MRPL21: variants seen among roughly 807,000 people sequenced by gnomAD.
MRPL21 encodes the protein mitochondrial ribosomal protein L21, also known as large ribosomal subunit protein bL21m.
A neutral mutation model predicts 27.3 loss-of-function variants in MRPL21; 20 were observed. The ratio of observed to expected loss-of-function variants is 0.73; its 90% CI spans 0.52 to 1.06. The LOEUF is 1.06. MRPL21 is among the 50% of genes least tolerant of loss of function. The probability of loss-of-function intolerance (pLI) is 0.00; values close to 1 mark genes in which losing one functional copy is unlikely to be tolerated. For synonymous variants in MRPL21, 98 were observed against 101.5 expected (o/e 0.97, Z 0.21); for missense variants, 249 against 251.4 (o/e 0.99, Z 0.06).
chr11:68,891,570 A>C, intron 6 of MRPL21, 175 bp from the exon 7 acceptor site: 1 of 666,714 alleles, frequency 1.5e-6, no homozygotes, highest in Non-Finnish European at 2.7e-6. Context: ...TTGTTCGTTC[A>C]CTCTGTTGGC....
chr11:68,893,097 A>G (rs1025670286), intron 5 of MRPL21, 104 bp from the exon 6 acceptor site: 13 of 1,381,404 alleles, frequency 9.4e-6, no homozygotes, highest in African/African-American at 2.9e-5. Flanking sequence ...TTTGTTGATT[A>G]TAAAAGTAAT....
chr11:68,901,900 C>T (rs976603337), intron 1 of MRPL21, among the ~76,000 whole-genome samples: 1 of 152,224 alleles, frequency 6.6e-6, no homozygotes, highest in Non-Finnish European at 1.5e-5. Context: ...GCAACTTCAT[C>T]CTCCCAGTTG....
chr11:68,899,281 C>T (rs1857877438), intron 2 of MRPL21, among the ~76,000 whole-genome samples: 1 of 152,198 alleles, frequency 6.6e-6, no homozygotes, highest in Admixed American at 6.5e-5. Context: ...GCTTTTATTG[C>T]TGCTGCCACT....
intron 6 of MRPL21, 61 bp downstream of exon 6, chr11:68,892,829 C>G: frequency 5.1e-6 from 8 of 1,579,550 alleles, no homozygotes; most frequent in Non-Finnish European, 6.9e-6. Flanking sequence ...ACCCTCCGTC[C>G]GCATGCGCCT....
intron 1 of MRPL21, among the ~76,000 whole-genome samples, chr11:68,901,443 CAG>C (rs1315714026): frequency 2.0e-5 from 3 of 152,326 alleles, no homozygotes; most frequent in Admixed American, 6.5e-5. Flanking sequence ...ACTGAGAAGA[CAG>C]GGGATCAAAA....
intron 6 of MRPL21, chr11:68,891,831 G>T: frequency 2.1e-6 from 1 of 472,144 alleles, no homozygotes; most frequent in Non-Finnish European, 3.7e-6. Context: ...TGGTGGTTTA[G>T]GCCGGCAACT....
Position 68,891,344 on chromosome 11 carries a change from G to A in MRPL21, c.605C>T (p.Pro202Leu), listed in dbSNP as rs758764572. 7 of 1,613,882 alleles carry A rather than the reference G, an allele frequency of 4.3e-6. No individual in the cohort carries two copies. The highest frequency in any genetic ancestry group is 2.2e-5 in the East Asian group (1 of 44,906). The change falls in exon 7 of 7, where the codon CCG (proline) becomes CTG (leucine). Residue 202 changes from proline (P) to leucine (L), a missense_variant. Pro to Leu is a moderately conservative substitution (Grantham distance 98). Transcript: ENST00000362034. ...TTAACTCGGTAATCACAACAAACAC[G>A]GAGCAATCTCAATGCTGTTTATCCG... ...VLRINSIEIAPCLL is the reference protein window; with the variant it reads ...VLRINSIEIALCLL
Position 68,896,512 on chromosome 11 carries a change from C to T in MRPL21, c.396+3G>A. 2 of 1,614,040 alleles carry T rather than the reference C, an allele frequency of 1.2e-6. No individual in the cohort carries two copies. The highest frequency in any genetic ancestry group is 1.7e-6 in the Non-Finnish European group (2 of 1,179,876). On this transcript the variant is annotated splice_donor_region_variant and intron_variant, in intron 4 of 6. Transcript: ENST00000362034. ...AATATCCAGAGAAGCTCGGTGGTCT[C>T]ACCTTCTCCAGTCGAATTCTCTCTC...
At chr11:68,900,065 T>G (rs1857897034) in intron 2 of MRPL21, among the ~76,000 whole-genome samples, 1 of 152,202 alleles carries the variant, frequency 6.6e-6, no homozygotes. Flanking sequence ...TTGTCGAATG[T>G]TTTCTGCAGT....
In MRPL21 at chr11:68,894,573, C is replaced by T. The variant is rs118160219; in HGVS notation, c.397-1118G>A. 2.3e-4 allele frequency among the ~76,000 whole-genome samples: 35 copies of T among 152,298 alleles called. No individual in the cohort carries two copies. The East Asian group carries it at 6.2e-3, about 27-fold the overall frequency. ...CTGGGATAACAGGCGTGAGCCACCA[C>T]GCACGGCCTACAGTGTTTTTATTAG... On this transcript the variant is annotated intron_variant, in intron 4 of 6. Coordinates refer to ENST00000362034, the MANE Select transcript of MRPL21 (RefSeq NM_181514.2).
rs971757497 is a variant in MRPL21 at position 68,903,637 on chromosome 11, G to A, written c.88+86C>T. ...AATGCGATCAACACACAAGGCACCA[G>A]GTCGGACCCAGGCACATACGTGGCG... On this transcript the variant is annotated intron_variant, in intron 1 of 6. Transcript: ENST00000362034. 4 of 1,400,370 alleles carry A rather than the reference G, an allele frequency of 2.9e-6. No individual in the cohort carries two copies. The African/African-American group carries it at 5.7e-5, about 20-fold the overall frequency. 86.7% of individuals were successfully genotyped at this position (1,400,370 alleles called of 1,614,324 possible).
At chr11:68,895,029 C>CA (rs1161578194) in intron 4 of MRPL21, among the ~76,000 whole-genome samples, 1 of 152,184 alleles carries the variant, frequency 6.6e-6, no homozygotes. Context: ...CTGTGGGAGG[C>CA]CGAGGCGGGC....
At chr11:68,898,819 G>C (rs900192501) in intron 2 of MRPL21, among the ~76,000 whole-genome samples, 1 of 151,900 alleles carries the variant, frequency 6.6e-6, no homozygotes, top group Admixed American at 6.6e-5. Context: ...ACGGAGTCTC[G>C]CTCTGTCACC....
intron 4 of MRPL21, 32 bp from the exon 5 acceptor site, chr11:68,893,487 G>T (rs952887535): frequency 6.2e-7 from 1 of 1,613,980 alleles, no homozygotes; most frequent in East Asian, 2.2e-5. Context: ...TTTCATCAGT[G>T]GCTCATTACG....
intron 3 of MRPL21, 162 bp from the exon 4 acceptor site, chr11:68,896,840 T>TGCAGGCACAAGG (rs928522467): frequency 2.4e-6 from 2 of 821,288 alleles, no homozygotes; most frequent in Non-Finnish European, 3.8e-6. Flanking sequence ...CTCCACCCCC[T>TGCAGGCACAAGG]GCAGGCACAA....
intron 2 of MRPL21, among the ~76,000 whole-genome samples, chr11:68,898,598 A>C (rs572980854): frequency 1.3e-5 from 2 of 152,322 alleles, no homozygotes; most frequent in African/African-American, 4.8e-5. Flanking sequence ...TGGTGTCTAC[A>C]ACTGAGCAAA....
In MRPL21 at chr11:68,896,525, C is replaced by A. The variant is rs143584803; in HGVS notation, c.386G>T (p.Arg129Leu). Residue 129 changes from arginine (R) to leucine (L), a missense_variant, in exon 4 of 7, where the codon CGA becomes CTA. Arg to Leu is a moderately radical substitution (Grantham distance 102). Coordinates refer to ENST00000362034, the MANE Select transcript of MRPL21 (RefSeq NM_181514.2). ...GCTCGGTGGTCTCACCTTCTCCAGT[C>A]GAATTCTCTCTCCACACGCAAGGTC... ...ELDLACGERI[R>L]LEKVLLVGAD... 1 of 1,614,024 alleles carries A rather than the reference C, an allele frequency of 6.2e-7. No homozygotes were observed. The highest frequency in any genetic ancestry group is 1.7e-5 in the Admixed American group (1 of 60,014).
intron 5 of MRPL21, 87 bp from the exon 6 acceptor site, chr11:68,893,080 T>G (rs1857693034): frequency 7.0e-7 from 1 of 1,425,408 alleles, no homozygotes; most frequent in South Asian, 1.5e-5. Context: ...GAAGTTATAC[T>G]TTCTCTTTTG....
At position 68,895,833 on chromosome 11, in the gene MRPL21, C is replaced by T. The variant is rs1857773014; in HGVS notation, c.396+682G>A. 2.0e-5 allele frequency among the ~76,000 whole-genome samples: 3 copies of T among 152,124 alleles called. No homozygotes were observed. The South Asian group carries it at 6.2e-4, about 32-fold the overall frequency. ...TACATGTGTGTGCCACCATGCCCAC[C>T]TAATTGTTTGGAATTTTAGTAGAGA... is the stretch of plus-strand genomic sequence containing the variant. On this transcript the variant is annotated intron_variant, in intron 4 of 6. Coordinates refer to ENST00000362034, the MANE Select transcript of MRPL21 (RefSeq NM_181514.2).
Sources: allele counts gnomAD v4.1 joint callset (sites outside exome capture counted in the v4.1 genomes callset), GRCh38; gene constraint gnomAD v4.1.1; transcripts MANE v1.5; gene names NCBI Gene and HGNC (gene_info 2026-07-23, HGNC 2026-07-21).